RP1: variants seen among roughly 807,000 people sequenced by gnomAD.
RP1 encodes the protein RP1 axonemal microtubule associated.
In RP1, 16 loss-of-function variants were observed where a neutral mutation model predicts 14.8. That is an observed-to-expected ratio of 1.08 (90% CI 0.73 to 1.65). The LOEUF (loss-of-function observed/expected upper bound fraction) is 1.65. RP1 is among the 40% of genes most tolerant of loss of function. The pLI is 0.00. For missense variants in RP1, 2,631 were observed against 2,535.0 expected (o/e 1.04, Z -0.81); for synonymous variants, 876 against 883.6 (o/e 0.99, Z 0.15).
chr8:54,721,234 A>C (rs1003192763), intron 16 of RP1, among the ~76,000 whole-genome samples: 25 of 152,310 alleles, frequency 1.6e-4, no homozygotes, highest in African/African-American at 6.0e-4. Context: ...GGGCTAGTAT[A>C]CCTGAGTTTA....
At chr8:54,584,385 T>G (rs1804867798) in intron 1 of RP1, among the ~76,000 whole-genome samples, 1 of 152,236 alleles carries the variant, frequency 6.6e-6, no homozygotes, top group Admixed American at 6.5e-5. Flanking sequence ...ATAATTTCTG[T>G]TCTTTTGCAT....
rs577802776 is a variant in RP1, at chr8:54,766,756, C to T, written c.3249-2985C>T. Among the ~76,000 whole-genome samples, 16 of 152,278 alleles carry T rather than the reference C, an allele frequency of 1.1e-4. No homozygotes were observed. In the South Asian group the frequency reaches 2.1e-3, roughly 20 times the overall value. ...AATTGTCTACTTTAATCTTAAAAGA[C>T]TAACAGAATTTTTGCCCCTGTCTTT... On this transcript the variant is annotated intron_variant, in intron 22 of 22. Transcript: ENST00000636932.
intron 1 of RP1, among the ~76,000 whole-genome samples, chr8:54,590,444 C>A (rs924200210): frequency 1.3e-5 from 2 of 152,070 alleles, no homozygotes. Context: ...ATTTATATAC[C>A]CAATCAGGGG....
chr8:54,845,461 G>T (rs1002045347), intron 25 of RP1, among the ~76,000 whole-genome samples: 1 of 152,160 alleles, frequency 6.6e-6, no homozygotes, highest in Admixed American at 6.5e-5. Context: ...GAACACGGGA[G>T]TTAGGAGCAG....
chr8:54,607,095 G>A (rs1200406034), intron 1 of RP1, among the ~76,000 whole-genome samples: 11 of 152,178 alleles, frequency 7.2e-5, no homozygotes, highest in Admixed American at 2.0e-4. Flanking sequence ...GAGGAGCTGT[G>A]TTCCTTTGGA....
chr8:54,781,290 G>C (rs187510038), intron 23 of RP1, among the ~76,000 whole-genome samples: 28 of 152,206 alleles, frequency 1.8e-4, no homozygotes, highest in Non-Finnish European at 2.6e-4. Flanking sequence ...CTTCAATTAC[G>C]TGGAATTTTC....
At chr8:54,846,727 T>C (rs1811928642) in intron 25 of RP1, among the ~76,000 whole-genome samples, 1 of 152,098 alleles carries the variant, frequency 6.6e-6, no homozygotes, top group Non-Finnish European at 1.5e-5. Context: ...CTCTTAATAC[T>C]CCATACGGAT....
chr8:54,623,519 G>A (rs569141887), intron 3 of RP1, among the ~76,000 whole-genome samples: 1 of 151,544 alleles, frequency 6.6e-6, no homozygotes. Context: ...TACCCAGGCT[G>A]TTATGATGGG....
At chr8:54,731,047 A>AG (rs778445385) in intron 17 of RP1, among the ~76,000 whole-genome samples, 19 of 152,144 alleles carry the variant, frequency 1.2e-4, no homozygotes, top group Non-Finnish European at 2.9e-5. Flanking sequence ...GGAATAGCAT[A>AG]TAGAGGCTAT....
At chr8:54,744,618 A>G (rs1809181345) in intron 19 of RP1, among the ~76,000 whole-genome samples, 1 of 152,174 alleles carries the variant, frequency 6.6e-6, no homozygotes, top group Non-Finnish European at 1.5e-5. Context: ...TTGCAGCCCT[A>G]TTCAAGCATA....
exon 14 of RP1, chr8:54,701,495 G>A (rs753155726): frequency 6.6e-7 from 1 of 1,522,342 alleles, no homozygotes; most frequent in Non-Finnish European, 8.8e-7. Context: ...GGTTAGTGGT[G>A]AAGCCACCAC....
At position 54,624,982 on chromosome 8, in the gene RP1, T is replaced by A. The variant is rs769670840; in HGVS notation, c.1100T>A (p.Met367Lys). ...TCTAATAATGATGAAAAGAGTGAGA[T>A]GAGTTTTCCAGGAAGAACAGAAAGT... ...GPSNNDEKSE[M>K]SFPGRTESRS... is the part of the protein sequence containing the mutation. The change falls in exon 4 of 4, where the codon ATG (methionine) becomes AAG (lysine). Residue 367 changes from methionine (M) to lysine (K), a missense_variant. Coordinates refer to ENST00000220676, the MANE Select transcript of RP1 (RefSeq NM_006269.2). 1.2e-6 allele frequency: 2 copies of A among 1,614,164 alleles called. No individual in the cohort carries two copies. Among genetic ancestry groups the A allele is most frequent in the Non-Finnish European group, 1.7e-6 (2 of 1,180,028 alleles).
At chr8:54,565,925 C>A (rs191380893) in intron 1 of RP1, among the ~76,000 whole-genome samples, 2 of 152,190 alleles carry the variant, frequency 1.3e-5, no homozygotes, top group Admixed American at 6.5e-5. Flanking sequence ...CCAGTCTTCT[C>A]CCCAGCTCTG....
Position 54,630,290 on chromosome 8 carries a change from G to A in RP1, c.6408G>A (p.Trp2136Ter). The A allele has an allele frequency of 6.2e-7, 1 of 1,613,606 alleles. No individual in the cohort carries two copies. Among genetic ancestry groups the A allele is most frequent in the Non-Finnish European group, 8.5e-7 (1 of 1,179,776 alleles). The stretch of plus-strand genomic sequence containing the variant: ...TTGAGGGTGAAAATCTTTTCATTTG[G>A]GAAGAGGAAGACATATTAAATTTAA... ...CMFEGENLFI[W>*]EEEDILNLTD... The change falls in exon 4 of 4, where the codon TGG (tryptophan) becomes TGA (stop). Residue 2136 changes from tryptophan to a stop codon, truncating the protein, a stop_gained. Coordinates refer to ENST00000220676, the MANE Select transcript of RP1 (RefSeq NM_006269.2). LOFTEE classifies it high-confidence loss of function.
At chr8:54,828,882 C>CTTTTTTTTTTTTTT (rs201534661) in intron 24 of RP1, among the ~76,000 whole-genome samples, 19 of 83,898 alleles carry the variant, frequency 2.3e-4, no homozygotes, top group Non-Finnish European at 3.1e-4. Context: ...TCTTCTTCTT[C>CTTTTTTTTTTTTTT]TTTTTTTTTT....
chr8:54,620,380 G>A (rs1471952267), intron 1 of RP1, among the ~76,000 whole-genome samples: 1 of 152,216 alleles, frequency 6.6e-6, no homozygotes, highest in Non-Finnish European at 1.5e-5. Context: ...ATGCTGTACA[G>A]ATTTATAGCC....
chr8:54,744,903 T>C (rs1029717089), intron 19 of RP1, among the ~76,000 whole-genome samples: 2 of 152,180 alleles, frequency 1.3e-5, no homozygotes, highest in Non-Finnish European at 2.9e-5. Flanking sequence ...GCCAAGGCAA[T>C]TTTTAAATAC....
Position 54,753,679 on chromosome 8 carries a change from C to T in RP1, c.2809-1124C>T, listed in dbSNP as rs567647112. On this transcript the variant is annotated intron_variant, in intron 19 of 22. Coordinates refer to the RP1 transcript ENST00000636932. ...AGTATCTAGCAAGATTATGACCCAA[C>T]CATGAACTGCTCATTGTATTGAGGA... Among the ~76,000 whole-genome samples, 34 of 152,140 alleles carry T rather than the reference C, an allele frequency of 2.2e-4. 1 individual carries two copies. The South Asian group carries it at 6.7e-3, about 30-fold the overall frequency.
chr8:54,635,345 C>T (rs1459227206), downstream of RP1, among the ~76,000 whole-genome samples: 1 of 152,110 alleles, frequency 6.6e-6, no homozygotes, highest in African/African-American at 2.4e-5. Context: ...TAAATGGCTG[C>T]AGTCTACAGA....
Sources: allele counts gnomAD v4.1 joint callset (sites outside exome capture counted in the v4.1 genomes callset), GRCh38; gene constraint gnomAD v4.1.1; transcripts MANE v1.5; gene names NCBI Gene and HGNC (gene_info 2026-07-23, HGNC 2026-07-21).